The following SLC12A4 variants were observed in gnomAD, a reference collection of about 807,000 sequenced individuals.
SLC12A4 encodes electroneutral potassium-chloride cotransporter 1.
SLC12A4 carries 84 observed loss-of-function variants against 119.2 expected under a neutral mutation model. That is an observed-to-expected ratio of 0.70 (90% CI 0.59 to 0.85). The LOEUF is 0.85. Among genes scored for constraint, SLC12A4 ranks in the 40% least tolerant of loss-of-function variants. The pLI is 0.00. For synonymous variants in SLC12A4, 599 were observed against 604.6 expected, an observed-to-expected ratio of 0.99 and a Z score of 0.14; for missense variants, 1,298 against 1,476.3, an observed-to-expected ratio of 0.88 and a Z score of 1.98.
intron 3 of SLC12A4, among the ~76,000 whole-genome samples, chr16:67,958,756 G>T (rs769411963): frequency 3.9e-5 from 6 of 151,998 alleles, no homozygotes; most frequent in Non-Finnish European, 7.4e-5. Context: ...CTCAGATTCT[G>T]CGAACCTGAG....
chr16:67,968,573 C>A lies in SLC12A4; in HGVS notation c.-20G>T. Reference sequence around the variant, plus strand: ...AGGCATCGTGCGGGCTCGGCCCCGCCGCACCCGCCGTCCCAGCCGCCCGCC... The same window carrying A: ...AGGCATCGTGCGGGCTCGGCCCCGCAGCACCCGCCGTCCCAGCCGCCCGCC... On this transcript the variant is annotated 5_prime_UTR_variant, in exon 1 of 24. Coordinates refer to ENST00000316341, the MANE Select transcript of SLC12A4 (RefSeq NM_005072.5). 6.6e-7 allele frequency: 1 copy of A among 1,505,072 alleles called. No homozygotes were observed. The highest frequency in any genetic ancestry group is 8.8e-7 in the Non-Finnish European group (1 of 1,132,278). The allele number at this position is 1,505,072 out of a possible 1,614,324, so 93.2% of individuals were successfully genotyped here.
Position 67,954,648 on chromosome 16 carries a change from A to T in SLC12A4, c.670T>A (p.Leu224Met). The change falls in exon 6 of 24, where the codon TTG becomes ATG. Residue 224 changes from leucine (L) to methionine (M), a missense_variant. Transcript: ENST00000316341. ...AMYILGAIEI[L>M]LTYIAPPAAI... ...CAGGGCTCAGCCTGACTCACCAGCA[A>T]GATCTCGATGGCCCCCAGGATGTAC... The T allele has an allele frequency of 6.2e-7, 1 of 1,614,200 alleles. No homozygotes were observed. The highest frequency in any genetic ancestry group is 8.5e-7 in the Non-Finnish European group (1 of 1,179,998).
Position 67,945,773 on chromosome 16 carries a change from C to T in SLC12A4, c.2838G>A (p.Arg946=). Residue 946 remains arginine (R), a synonymous_variant, in exon 21 of 24, where the codon CGG becomes CGA. Coordinates refer to ENST00000316341, the MANE Select transcript of SLC12A4 (RefSeq NM_005072.5). ...LRQMRLTKTE[R]EREAQLVKDR... Reference sequence around the variant, plus strand: ...CACAAAGGGCACTGACTTCTCGCTCCCGCTCAGTCTTGGTCAGTCTCATCT... The same window carrying T: ...CACAAAGGGCACTGACTTCTCGCTCTCGCTCAGTCTTGGTCAGTCTCATCT... 1 of 1,613,354 alleles carries T rather than the reference C, an allele frequency of 6.2e-7. No individual in the cohort carries two copies. Among genetic ancestry groups the T allele is most frequent in the East Asian group, 2.2e-5 (1 of 44,888 alleles).
chr16:67,945,621 T>C (rs2058335021), intron 21 of SLC12A4, 68 bp from the exon 22 acceptor site: 3 of 1,550,626 alleles, frequency 1.9e-6, no homozygotes, highest in South Asian at 1.2e-5. Context: ...TCTGGCCCAA[T>C]GTGACCACCT....
chr16:67,945,208 A>G lies in SLC12A4; in HGVS notation c.3045T>C (p.Asn1015=), dbSNP rs17240413. ...ELVHIKPDQS[N]VRRMHTAVKL... ...TCACAGCAGTGTGCATGCGCCGCAC[A>G]TTGGATTGGTCCCTACACGTAGTGT... Residue 1015 remains asparagine, a synonymous_variant, in exon 23 of 24, where the codon AAT becomes AAC. Transcript: ENST00000316341. The G allele has an allele frequency of 2.5e-4, 386 of 1,560,298 alleles. 1 individual carries two copies. The Middle Eastern group carries it at 6.1e-3, about 24-fold the overall frequency.
intron 1 of SLC12A4, chr16:67,964,183 C>G (rs1288012154): frequency 7.8e-7 from 1 of 1,275,898 alleles, no homozygotes; most frequent in East Asian, 2.6e-5. Flanking sequence ...GAAAGTCGGA[C>G]GGGTGGGTGT....
At position 67,968,586 on chromosome 16, in the gene SLC12A4, C is replaced by T; in HGVS notation, c.-33G>A. On this transcript the variant is annotated 5_prime_UTR_variant, in exon 1 of 24. Transcript: ENST00000316341. ...GCTCGGCCCCGCCGCACCCGCCGTCCCAGCCGCCCGCCGCTGTCCCCGCCG... is the reference window on the plus strand; with the variant it reads ...GCTCGGCCCCGCCGCACCCGCCGTCTCAGCCGCCCGCCGCTGTCCCCGCCG... 2 of 1,470,230 alleles carry T rather than the reference C, an allele frequency of 1.4e-6. No individual in the cohort carries two copies. Among genetic ancestry groups the T allele is most frequent in the Non-Finnish European group, 1.8e-6 (2 of 1,113,350 alleles). 91.1% of individuals were successfully genotyped at this position (1,470,230 alleles called of 1,614,324 possible).
At chr16:67,945,904 G>C (rs1421042732) in intron 20 of SLC12A4, 33 bp from the exon 21 acceptor site, 2 of 1,613,360 alleles carry the variant, frequency 1.2e-6, no homozygotes, top group South Asian at 2.2e-5. Context: ...GGACCCAGCT[G>C]CACGGGACAT....
rs1416381380 is a variant in SLC12A4 at position 67,944,761 on chromosome 16, G to A, written c.*79C>T. The A allele has an allele frequency of 6.4e-7, 1 of 1,554,486 alleles. No individual in the cohort carries two copies. Among genetic ancestry groups the A allele is most frequent in the African/African-American group, 1.4e-5 (1 of 73,372 alleles). ...AGCAGGGCTGGCAGGTGGGTGCTGG[G>A]AAGAGGCTGTTACCCCAGACCACAG... On this transcript the variant is annotated 3_prime_UTR_variant, in exon 24 of 24. Transcript: ENST00000316341. This position sits in a 1 kb window ranked among gnomAD's most constrained non-coding sequence, Gnocchi z 6.6.
At chr16:67,948,352 C>T (rs1487103894) in intron 13 of SLC12A4, among the ~76,000 whole-genome samples, 193 bp from the exon 14 acceptor site, 1 of 152,238 alleles carries the variant, frequency 6.6e-6, no homozygotes, top group Non-Finnish European at 1.5e-5. Context: ...TCCTCGGAGC[C>T]AGATCGCAGA....
chr16:67,954,161 C>T, intron 6 of SLC12A4: 1 of 407,310 alleles, frequency 2.5e-6, no homozygotes, highest in South Asian at 1.7e-5. Context: ...GCTGACAGAG[C>T]TCCCATGGGG....
At chr16:67,959,084 A>C (rs1371388733) in intron 3 of SLC12A4, among the ~76,000 whole-genome samples, 1 of 152,204 alleles carries the variant, frequency 6.6e-6, no homozygotes, top group Non-Finnish European at 1.5e-5. Context: ...CCCCTGGGAC[A>C]TCCTGTTGGG....
At chr16:67,947,520 C>T in intron 15 of SLC12A4, 85 bp from the exon 16 acceptor site, 1 of 1,509,096 alleles carries the variant, frequency 6.6e-7, no homozygotes, top group Non-Finnish European at 9.0e-7. Flanking sequence ...GGGTTCTGCC[C>T]CTCAAGACCA....
Position 67,951,885 on chromosome 16 carries a change from A to C in SLC12A4, c.1070T>G (p.Phe357Cys). The C allele has an allele frequency of 1.2e-6, 2 of 1,613,914 alleles. No homozygotes were observed. The highest frequency in any genetic ancestry group is 1.7e-6 in the Non-Finnish European group (2 of 1,180,024). The change falls in exon 8 of 24, where the codon TTC (phenylalanine) becomes TGC (cysteine). Residue 357 changes from phenylalanine to cysteine, a missense_variant. Phe to Cys is a radical substitution (Grantham distance 205). Coordinates refer to ENST00000316341, the MANE Select transcript of SLC12A4 (RefSeq NM_005072.5). The surrounding 1 kb of genome is among the most constrained non-coding windows in gnomAD (Gnocchi z 5.2). ...NLTTDSCDPY[F>C]MLNNVTEIPG... ...GATCTCGGTCACATTGTTGAGCATG[A>C]AGTAGGGGTCACAGGAGTCGGTCGT...
intron 1 of SLC12A4, among the ~76,000 whole-genome samples, chr16:67,967,543 G>A (rs1225854161): frequency 1.3e-5 from 2 of 152,148 alleles, no homozygotes; most frequent in Non-Finnish European, 2.9e-5. Context: ...AGCCGTGTTC[G>A]TGCTCCGAGG....
In SLC12A4 at chr16:67,950,635, G is replaced by C. The variant is rs774127587; in HGVS notation, c.1454+19C>G. The C allele has an allele frequency of 6.2e-6, 10 of 1,610,966 alleles. No individual in the cohort carries two copies. Among genetic ancestry groups the C allele is most frequent in the Middle Eastern group, 1.7e-4 (1 of 6,058 alleles). ...CCAAAGCCCAGCCGCTGCTAAAGAG[G>C]GGGGCCCAGCTCACTCACTTGTCCC... On this transcript the variant is annotated intron_variant, in intron 11 of 23. Transcript: ENST00000316341. The surrounding 1 kb of genome is among the most constrained non-coding windows in gnomAD (Gnocchi z 4.3).
chr16:67,951,207 C>G lies in SLC12A4; in HGVS notation c.1230G>C (p.Leu410=). The change falls in exon 9 of 24, where the codon CTG becomes CTC. Residue 410 remains leucine (L), a synonymous_variant. Coordinates refer to ENST00000316341, the MANE Select transcript of SLC12A4 (RefSeq NM_005072.5). This position sits in a 1 kb window ranked among gnomAD's most constrained non-coding sequence, Gnocchi z 5.2. ...ATGTGGCGATGTCAGCGACCACGTACAGAGGCAGGCTCTCCTTCAGGCTCG... is the reference window on the plus strand; with the variant it reads ...ATGTGGCGATGTCAGCGACCACGTAGAGAGGCAGGCTCTCCTTCAGGCTCG... ...DAPSLKESLP[L]YVVADIATSF... 2 of 1,614,140 alleles carry G rather than the reference C, an allele frequency of 1.2e-6. No individual in the cohort carries two copies. Among genetic ancestry groups the G allele is most frequent in the Non-Finnish European group, 1.7e-6 (2 of 1,179,982 alleles).
chr16:67,968,057 C>A (rs2030938217), intron 1 of SLC12A4, among the ~76,000 whole-genome samples: 1 of 152,234 alleles, frequency 6.6e-6, no homozygotes, highest in Non-Finnish European at 1.5e-5. Context: ...AAATGAGGAA[C>A]CGAGGCGAGA....
rs746841325 is a variant in SLC12A4 at position 67,946,041 on chromosome 16, C to A, written c.2649G>T (p.Gln883His). 6 of 1,614,058 alleles carry A rather than the reference C, an allele frequency of 3.7e-6. No individual in the cohort carries two copies. In the South Asian group the frequency reaches 6.6e-5, roughly 18 times the overall value. Residue 883 changes from glutamine (Q) to histidine (H), a missense_variant, in exon 20 of 24, where the codon CAG (glutamine) becomes CAT (histidine). By Grantham distance (24) the Gln-to-His change is conservative. Transcript: ENST00000316341. ...KCRMRIFTVA[Q>H]MDDNSIQMKK... ...TCATCTGGATGCTGTTGTCATCCAT[C>A]TGGGCCACTGTGAAGATGCGCATCC...
Sources: gnomAD v4.1 joint callset for allele counts (sites outside exome capture counted in the v4.1 genomes callset) on GRCh38, gnomAD v4.1.1 for gene constraint, Gnocchi (gnomAD v3.1) non-coding constraint, MANE v1.5 for transcripts, NCBI Gene and HGNC (gene_info 2026-07-23, HGNC 2026-07-21) for gene names.